Variants in MGMT observed in about 807,000 individuals in gnomAD.
MGMT encodes O-6-methylguanine-DNA methyltransferase.
Under a neutral mutation model 15.9 loss-of-function variants are expected in MGMT, and 14 were observed. That is an observed-to-expected ratio of 0.88 (90% CI 0.58 to 1.37). MGMT has a LOEUF of 1.37. Ranked by LOEUF, MGMT falls within the 40% of genes most tolerant of loss-of-function variation. MGMT has a pLI of 0.00. For missense variants in MGMT, 282 were observed against 268.1 expected (o/e 1.05, Z -0.36); for synonymous variants, 130 against 118.2 (o/e 1.10, Z -0.65).
intron 1 of MGMT, among the ~76,000 whole-genome samples, chr10:129,511,120 G>A (rs1210029517): frequency 7.5e-6 from 1 of 132,610 alleles, no homozygotes; most frequent in Non-Finnish European, 1.5e-5. Context: ...TGGGAACCCA[G>A]TATACTAGAT....
At chr10:129,581,909 A>G (rs555256353) in intron 2 of MGMT, among the ~76,000 whole-genome samples, 1 of 152,336 alleles carries the variant, frequency 6.6e-6, no homozygotes, top group South Asian at 2.1e-4. Context: ...AAAATAGGAA[A>G]GTGTACTCAA....
At chr10:129,569,959 G>T (rs1846398395) in intron 2 of MGMT, among the ~76,000 whole-genome samples, 1 of 152,222 alleles carries the variant, frequency 6.6e-6, no homozygotes, top group Non-Finnish European at 1.5e-5. Context: ...TTGCCCGCCT[G>T]AACATTGCTT....
intron 2 of MGMT, among the ~76,000 whole-genome samples, chr10:129,594,920 C>T (rs1226702609): frequency 2.0e-5 from 3 of 152,212 alleles, no homozygotes; most frequent in African/African-American, 7.2e-5. Context: ...CCCGTCACGC[C>T]ATCAACCTGC....
chr10:129,692,569 G>A (rs1001885529), intron 2 of MGMT, among the ~76,000 whole-genome samples: 1 of 152,196 alleles, frequency 6.6e-6, no homozygotes, highest in Non-Finnish European at 1.5e-5. Flanking sequence ...ATCCCATGTG[G>A]CAACAGATAT....
At chr10:129,521,520 C>G (rs1845810333) in intron 1 of MGMT, among the ~76,000 whole-genome samples, 2 of 152,188 alleles carry the variant, frequency 1.3e-5, no homozygotes, top group Non-Finnish European at 1.5e-5. Context: ...CTCTGGCAGT[C>G]TGGCTCACAG....
intron 2 of MGMT, among the ~76,000 whole-genome samples, chr10:129,646,476 C>T (rs1847389847): frequency 6.6e-6 from 1 of 151,872 alleles, no homozygotes; most frequent in African/African-American, 2.4e-5. Flanking sequence ...TGGGTACACT[C>T]TAAAGTCTCG....
At chr10:129,543,541 T>C (rs1846067532) in intron 2 of MGMT, among the ~76,000 whole-genome samples, 1 of 152,178 alleles carries the variant, frequency 6.6e-6, no homozygotes, top group South Asian at 2.1e-4. Flanking sequence ...ATGCGCAACC[T>C]CACCAGCTTC....
intron 2 of MGMT, among the ~76,000 whole-genome samples, chr10:129,588,074 G>T (rs77129687): frequency 0.015 from 2,358 of 152,278 alleles, 32 homozygotes; most frequent in Non-Finnish European, 0.024. Context: ...TTAGTTTCAG[G>T]CTAATTATTC....
intron 2 of MGMT, among the ~76,000 whole-genome samples, chr10:129,685,229 C>CG: frequency 6.6e-6 from 1 of 152,208 alleles, no homozygotes; most frequent in East Asian, 1.9e-4. Flanking sequence ...AGAACACTTT[C>CG]GCAGCTTTAA....
At chr10:129,618,769 T>TATAATGCGATA (rs751344882) in intron 2 of MGMT, among the ~76,000 whole-genome samples, 1 of 150,300 alleles carries the variant, frequency 6.7e-6, no homozygotes, top group Admixed American at 6.6e-5. Flanking sequence ...ATGCTATATT[T>TATAATGCGATA]TTAGTTTCAA....
intron 3 of MGMT, among the ~76,000 whole-genome samples, chr10:129,710,743 GAA>G (rs962095462): frequency 1.3e-5 from 2 of 152,162 alleles, no homozygotes; most frequent in Non-Finnish European, 2.9e-5. Context: ...TCTTCTAGAG[GAA>G]AAGTCTTTTG....
intron 1 of MGMT, among the ~76,000 whole-genome samples, chr10:129,527,534 G>A (rs1845884216): frequency 6.6e-6 from 1 of 152,162 alleles, no homozygotes; most frequent in African/African-American, 2.4e-5. Context: ...GACAGGCCCC[G>A]TTTTATGCAG....
intron 2 of MGMT, among the ~76,000 whole-genome samples, chr10:129,546,182 T>C (rs1204737630): frequency 6.6e-6 from 1 of 152,050 alleles, no homozygotes; most frequent in African/African-American, 2.4e-5. Context: ...CTGCATGGGG[T>C]GGGGAGGGGC....
chr10:129,550,510 G>A (rs559495207), intron 2 of MGMT, among the ~76,000 whole-genome samples: 5 of 150,448 alleles, frequency 3.3e-5, no homozygotes, highest in African/African-American at 7.4e-5. Context: ...ACAGTGGTGC[G>A]ATCTCGGCTC....
rs1375938898 is a variant in MGMT at position 129,767,322 on chromosome 10, C to T, written c.*325C>T. ...CTCAGGCCACAGACGGCTGCCATAG[C>T]CGCTGTCCAGGGCCAGCTAAGGCCC... On this transcript the variant is annotated 3_prime_UTR_variant, in exon 5 of 5. Coordinates refer to ENST00000651593, the MANE Select transcript of MGMT (RefSeq NM_002412.5). The T allele has an allele frequency of 4.7e-6, 1 of 212,048 alleles. No individual in the cohort carries two copies. The highest frequency in any genetic ancestry group is 9.3e-6 in the Non-Finnish European group (1 of 107,312). The allele number at this position is 212,048 out of a possible 1,614,324, so 13.1% of individuals were successfully genotyped here. A position where few individuals can be genotyped will look rare whatever the true frequency, so the allele number is the denominator to read the frequency against.
chr10:129,728,985 A>G (rs1204169907), intron 3 of MGMT, among the ~76,000 whole-genome samples: 2 of 152,142 alleles, frequency 1.3e-5, no homozygotes, highest in Non-Finnish European at 2.9e-5. Flanking sequence ...TGGAACATCC[A>G]TATTTCCAGA....
At chr10:129,610,350 C>T (rs998067679) in intron 2 of MGMT, among the ~76,000 whole-genome samples, 1 of 152,348 alleles carries the variant, frequency 6.6e-6, no homozygotes, top group Admixed American at 6.5e-5. Context: ...CTAAACTCCT[C>T]TCCTCCAGTT....
At chr10:129,507,349 A>G (rs1459801952) in intron 1 of MGMT, among the ~76,000 whole-genome samples, 1 of 152,122 alleles carries the variant, frequency 6.6e-6, no homozygotes, top group Non-Finnish European at 1.5e-5. Context: ...GGTGGCCTGG[A>G]GACATCGCAG....
chr10:129,537,171 C>T (rs1042172645), intron 2 of MGMT: 1 of 152,002 alleles, frequency 6.6e-6, no homozygotes, highest in Non-Finnish European at 1.5e-5. Context: ...AAAACACCCA[C>T]TCCTATGCTT....
Sources: gnomAD v4.1 joint callset for allele counts (sites outside exome capture counted in the v4.1 genomes callset) on GRCh38, gnomAD v4.1.1 for gene constraint, MANE v1.5 for transcripts, NCBI Gene and HGNC (gene_info 2026-07-23, HGNC 2026-07-21) for gene names.